The following LRP1B variants were observed in gnomAD, a reference collection of about 807,000 sequenced individuals.
LRP1B encodes LDL receptor related protein 1B, also known as low-density lipoprotein receptor-related protein 1B.
A neutral mutation model predicts 556.6 loss-of-function variants in LRP1B; 217 were observed. The observed-to-expected ratio is 0.39, with a 90% CI of 0.35 to 0.44. The LOEUF (loss-of-function observed/expected upper bound fraction) is 0.44, where lower values mean the gene tolerates loss of function less well. Among genes scored for constraint, LRP1B ranks in the 20% least tolerant of loss-of-function variants. The pLI, the probability that LRP1B is intolerant of heterozygous loss-of-function variation, is 1.00. For synonymous variants in LRP1B, 2,047 were observed against 1,865.8 expected (o/e 1.10, Z -2.50); for missense variants, 5,053 against 5,620.8 (o/e 0.90, Z 3.23).
intron 77 of LRP1B, among the ~76,000 whole-genome samples, chr2:140,336,716 C>G (rs1440808539): frequency 6.6e-6 from 1 of 151,896 alleles, no homozygotes; most frequent in Non-Finnish European, 1.5e-5. Context: ...ATTATCTTAA[C>G]ATTCTGTTTT....
intron 2 of LRP1B, among the ~76,000 whole-genome samples, chr2:141,508,087 C>CCT (rs72540287): frequency 4.2e-5 from 2 of 47,978 alleles, no homozygotes; most frequent in Non-Finnish European, 1.0e-4. Flanking sequence ...CTCCATCCCC[C>CCT]CCCCAAAAAA....
At chr2:140,790,215 G>A (rs575441480) in intron 32 of LRP1B, among the ~76,000 whole-genome samples, 2 of 152,086 alleles carry the variant, frequency 1.3e-5, no homozygotes, top group African/African-American at 4.8e-5. Context: ...GTATAACATA[G>A]ATATATAATG....
At chr2:140,969,257 T>C (rs1696332870) in intron 18 of LRP1B, among the ~76,000 whole-genome samples, 2 of 152,246 alleles carry the variant, frequency 1.3e-5, no homozygotes, top group African/African-American at 4.8e-5. Context: ...GCTCTTCTTG[T>C]TGAATTGATC....
intron 2 of LRP1B, among the ~76,000 whole-genome samples, chr2:141,741,075 C>T (rs945373535): frequency 1.8e-4 from 28 of 152,072 alleles, no homozygotes; most frequent in Admixed American, 1.8e-3. Flanking sequence ...CCAGTTCCAT[C>T]CATGCTGCAA....
At chr2:140,477,124 C>G (rs1688009164) in intron 59 of LRP1B, among the ~76,000 whole-genome samples, 1 of 151,868 alleles carries the variant, frequency 6.6e-6, no homozygotes, top group Admixed American at 6.6e-5. Flanking sequence ...GGTATCATGA[C>G]AGAAGAGATG....
intron 11 of LRP1B, among the ~76,000 whole-genome samples, chr2:141,041,850 C>G (rs1319827208): frequency 1.3e-5 from 2 of 151,932 alleles, no homozygotes; most frequent in Admixed American, 6.6e-5. Flanking sequence ...ACTTTGTACC[C>G]TATAAATATG....
intron 35 of LRP1B, among the ~76,000 whole-genome samples, chr2:140,751,895 A>G (rs1232159181): frequency 6.6e-6 from 1 of 152,194 alleles, no homozygotes; most frequent in Non-Finnish European, 1.5e-5. Context: ...TACTAAACAC[A>G]AGAGAAAAAA....
chr2:140,416,083 G>T (rs1685188405), intron 66 of LRP1B, among the ~76,000 whole-genome samples: 1 of 152,160 alleles, frequency 6.6e-6, no homozygotes, highest in Admixed American at 6.5e-5. Flanking sequence ...CGAGTGGCAG[G>T]CGAGCTAGCC....
chr2:141,314,810 T>TA (rs1553493213), intron 3 of LRP1B, among the ~76,000 whole-genome samples: 10,346 of 123,408 alleles, frequency 0.084, 554 homozygotes, highest in South Asian at 0.11. Flanking sequence ...AAAAAAAAAT[T>TA]TATATATATA....
Position 141,164,138 on chromosome 2 carries a change from G to A in LRP1B, c.1013+24283C>T, listed in dbSNP as rs552818933. On this transcript the variant is annotated intron_variant, in intron 7 of 90. Coordinates refer to ENST00000389484, the MANE Select transcript of LRP1B (RefSeq NM_018557.3). Reference sequence around the variant, plus strand: ...TATTGCTCTACAAAGAAGCAGAGGTGGAAATGAAAGTTAGAGAGAAGCAAG... The same window carrying A: ...TATTGCTCTACAAAGAAGCAGAGGTAGAAATGAAAGTTAGAGAGAAGCAAG... Among the ~76,000 whole-genome samples, 5 of 152,006 alleles carry A rather than the reference G, an allele frequency of 3.3e-5. No individual in the cohort carries two copies. In the South Asian group the frequency reaches 1.0e-3, roughly 32 times the overall value.
At chr2:140,246,980 A>G (rs924471833) in intron 87 of LRP1B, 106 bp downstream of exon 87, 8 of 768,726 alleles carry the variant, frequency 1.0e-5, no homozygotes, top group Middle Eastern at 2.4e-4. Flanking sequence ...GATCTCTTAT[A>G]AAATTCCATG....
intron 53 of LRP1B, among the ~76,000 whole-genome samples, chr2:140,504,917 G>T (rs1051373131): frequency 3.3e-4 from 50 of 152,072 alleles, no homozygotes; most frequent in African/African-American, 1.2e-3. Context: ...AAAAAATATG[G>T]TTCCAAAACA....
rs553606673 is a variant in LRP1B at position 140,594,685 on chromosome 2, C to G, written c.7194+3946G>C. 2.0e-5 allele frequency among the ~76,000 whole-genome samples: 3 copies of G among 152,166 alleles called. No individual in the cohort carries two copies. In the East Asian group the frequency reaches 5.8e-4, roughly 30 times the overall value. ...TAGCTTCTTTCTAATCTTTTCACTC[C>G]CCTGGGGATATCTGATTTCCCTACT... On this transcript the variant is annotated intron_variant, in intron 43 of 90. Transcript: ENST00000389484.
At chr2:140,536,519 C>A (rs2105002679) in intron 46 of LRP1B, 62 bp downstream of exon 46, 6 of 1,527,054 alleles carry the variant, frequency 3.9e-6, no homozygotes, top group Admixed American at 4.3e-5. Flanking sequence ...ACAAGCAAAC[C>A]AAAAACTGTA....
chr2:140,257,150 G>A (rs1021516053), intron 86 of LRP1B, among the ~76,000 whole-genome samples: 1 of 151,948 alleles, frequency 6.6e-6, no homozygotes, highest in African/African-American at 2.4e-5. Flanking sequence ...GTTAATTTGG[G>A]ATCAAGTGCT....
At chr2:141,040,613 T>TTG (rs1050631931) in intron 11 of LRP1B, among the ~76,000 whole-genome samples, 14 of 151,802 alleles carry the variant, frequency 9.2e-5, no homozygotes, top group African/African-American at 2.4e-4. Flanking sequence ...AAGCTGGTGA[T>TTG]TGTGTGTGTG....
intron 65 of LRP1B, 142 bp from the exon 66 acceptor site, chr2:140,442,765 T>TAAAAG: frequency 1.4e-6 from 1 of 733,500 alleles, no homozygotes; most frequent in South Asian, 1.9e-5. Context: ...GGTGAGGAAT[T>TAAAAG]TTAACTTTTA....
chr2:141,967,345 G>A (rs570187343), intron 1 of LRP1B, among the ~76,000 whole-genome samples: 1 of 151,916 alleles, frequency 6.6e-6, no homozygotes, highest in East Asian at 1.9e-4. Flanking sequence ...TAATGACATG[G>A]ATTAATGGAG....
At chr2:141,000,995 T>C (rs963251871) in intron 15 of LRP1B, among the ~76,000 whole-genome samples, 3 of 152,006 alleles carry the variant, frequency 2.0e-5, no homozygotes, top group Admixed American at 1.3e-4. Context: ...ATAGGAAATA[T>C]AATTTGAAGG....
Sources: gnomAD v4.1 joint callset for allele counts (sites outside exome capture counted in the v4.1 genomes callset) on GRCh38, gnomAD v4.1.1 for gene constraint, MANE v1.5 for transcripts, NCBI Gene and HGNC (gene_info 2026-07-23, HGNC 2026-07-21) for gene names.